TLE3: variants seen among roughly 807,000 people sequenced by gnomAD.
The protein encoded by TLE3 is TLE family member 3, transcriptional corepressor, also known as transducin-like enhancer protein 3.
In TLE3, 14 loss-of-function variants were observed where a neutral mutation model predicts 93.0. The ratio of observed to expected loss-of-function variants is 0.15; its 90% CI spans 0.10 to 0.24. The LOEUF (loss-of-function observed/expected upper bound fraction) is 0.24, where lower values mean the gene tolerates loss of function less well. Among genes scored for constraint, TLE3 ranks in the 10% least tolerant of loss-of-function variants. The pLI is 1.00. For missense variants in TLE3, 693 were observed against 1,046.6 expected (o/e 0.66, Z 4.66); for synonymous variants, 451 against 425.0 (o/e 1.06, Z -0.75).
Position 70,059,449 on chromosome 15 carries a change from T to C in TLE3, c.726A>G (p.Gly242=), listed in dbSNP as rs2133977. ...CCACCACCAGATCATCACTCTTGTC[T>C]CCATCACTGTCCTGCAACCAAGAGA... ...KDSLSRYDSD[G]DKSDDLVVDV... The change falls in exon 10 of 20, where the codon GGA becomes GGG. Residue 242 remains glycine, a synonymous_variant. Coordinates refer to ENST00000451782, the MANE Select transcript of TLE3 (RefSeq NM_001105192.3). 0.74 allele frequency: 1,195,777 copies of C among 1,608,796 alleles called. 447,435 individuals are homozygous for C. The highest frequency in any genetic ancestry group is 0.85 in the Admixed American group (50,534 of 59,412).
chr15:70,054,776 A>C (rs1321775518), intron 15 of TLE3, 91 bp from the exon 16 acceptor site: 2 of 1,442,810 alleles, frequency 1.4e-6, no homozygotes, highest in African/African-American at 2.9e-5. Flanking sequence ...CACCCTCACC[A>C]GTCCTGCTTA....
At chr15:70,096,036 G>T (rs75932149) in intron 2 of TLE3, 125 bp downstream of exon 2, 6 of 1,112,956 alleles carry the variant, frequency 5.4e-6, no homozygotes, top group Non-Finnish European at 7.5e-6. Context: ...AACAAAAGGC[G>T]GAGGCCCGGG....
At position 70,096,273 on chromosome 15, in the gene TLE3, G is replaced by A. The variant is rs780447932; in HGVS notation, c.25-12C>T. ...GGTTGATGGGGAGCCTGGAGCCCGC[G>A]AAGACAAGACAGGGGAGGGGGCGGG... On this transcript the variant is annotated splice_polypyrimidine_tract_variant and intron_variant, in intron 1 of 19. Coordinates refer to ENST00000451782, the MANE Select transcript of TLE3 (RefSeq NM_001105192.3). The A allele has an allele frequency of 1.2e-5, 19 of 1,550,916 alleles. No homozygotes were observed. Among genetic ancestry groups the A allele is most frequent in the African/African-American group, 1.4e-5 (1 of 73,072 alleles).
chr15:70,050,453 C>G (rs2141356307), intron 19 of TLE3: 1 of 419,458 alleles, frequency 2.4e-6, no homozygotes, highest in Admixed American at 3.5e-5. Context: ...AGGAAAAGCT[C>G]AGTAACAGTC....
chr15:70,054,952 C>G (rs577482542), intron 15 of TLE3, 97 bp downstream of exon 15: 2 of 1,462,560 alleles, frequency 1.4e-6, no homozygotes, highest in African/African-American at 1.4e-5. Flanking sequence ...TCAGCCAATA[C>G]GATGCTGAGC....
At chr15:70,078,791 C>T (rs938957390) in intron 4 of TLE3, among the ~76,000 whole-genome samples, 11 of 152,236 alleles carry the variant, frequency 7.2e-5, no homozygotes, top group Admixed American at 5.9e-4. Context: ...AAGGTCAGAA[C>T]ATCCCCAGTC....
rs1267072046 is a variant in TLE3 at position 70,096,254 on chromosome 15, T to C, written c.32A>G (p.His11Arg). The C allele has an allele frequency of 6.4e-7, 1 of 1,550,522 alleles. No individual in the cohort carries two copies. The highest frequency in any genetic ancestry group is 8.7e-7 in the Non-Finnish European group (1 of 1,146,924). The change falls in exon 2 of 20, where the codon CAT (histidine) becomes CGT (arginine). Residue 11 changes from histidine (H) to arginine (R), a missense_variant. Around this residue, in one of 4 missense-constraint regions of TLE3, gnomAD observed 31 missense variants for 24.0 expected, o/e 1.29. Coordinates refer to ENST00000451782, the MANE Select transcript of TLE3 (RefSeq NM_001105192.3). MYPQGRHPAP[H>R]QPGQPGFKFT... The stretch of plus-strand genomic sequence containing the variant: ...TTTAAATCCCGGCTGCCCGGGTTGA[T>C]GGGGAGCCTGGAGCCCGCGAAGACA...
chr15:70,067,604 C>G (rs149699244), intron 6 of TLE3, among the ~76,000 whole-genome samples: 1 of 152,118 alleles, frequency 6.6e-6, no homozygotes, highest in East Asian at 1.9e-4. Flanking sequence ...TAAGGGAGCT[C>G]GCCTGTCAAT....
chr15:70,090,967 A>G (rs983686148), intron 4 of TLE3, among the ~76,000 whole-genome samples: 1 of 152,172 alleles, frequency 6.6e-6, no homozygotes, highest in Non-Finnish European at 1.5e-5. Flanking sequence ...CACAGAATAC[A>G]CTAGAAAAGG....
Position 70,055,244 on chromosome 15 carries a change from G to C in TLE3, c.1383C>G (p.Pro461=), listed in dbSNP as rs554160023. ...ADGQMQPVPF[P]HDALAGPGIP... is the part of the protein sequence containing the mutation. ...TGCCGGGGCCTGCCAGGGCGTCGTG[G>C]GGGAAGGGCACGGGCTGCATCTGCC... is the stretch of plus-strand genomic sequence containing the variant. Residue 461 remains proline (P), a synonymous_variant, in exon 15 of 20, where the codon CCC becomes CCG. Coordinates refer to ENST00000451782, the MANE Select transcript of TLE3 (RefSeq NM_001105192.3). The C allele has an allele frequency of 5.2e-5, 83 of 1,611,466 alleles. 1 individual carries two copies. The East Asian group carries it at 6.7e-4, about 13-fold the overall frequency.
intron 1 of TLE3, 171 bp from the exon 2 acceptor site, chr15:70,096,432 C>CACGAA: frequency 7.8e-7 from 1 of 1,274,454 alleles, no homozygotes; most frequent in Non-Finnish European, 1.1e-6. Context: ...CGCCCCATCT[C>CACGAA]TCCCCGTCGG....
chr15:70,080,201 C>G (rs2057698552), intron 4 of TLE3, among the ~76,000 whole-genome samples: 1 of 152,182 alleles, frequency 6.6e-6, no homozygotes. Flanking sequence ...GCTGTAGTTT[C>G]CAGAGGCCGA....
intron 4 of TLE3, among the ~76,000 whole-genome samples, chr15:70,087,453 TTATAATC>T (rs934132565): frequency 2.4e-4 from 37 of 152,268 alleles, no homozygotes; most frequent in Admixed American, 1.6e-3. Context: ...GGCCGTAGCA[TTATAATC>T]TATAATATCT....
intron 6 of TLE3, among the ~76,000 whole-genome samples, chr15:70,068,385 G>A (rs558297542): frequency 1.3e-5 from 2 of 152,226 alleles, no homozygotes; most frequent in South Asian, 4.1e-4. Context: ...AGTATTCCCT[G>A]GTGTGGTCGG....
At chr15:70,060,228 C>T (rs535654899) in intron 9 of TLE3, among the ~76,000 whole-genome samples, 6 of 152,282 alleles carry the variant, frequency 3.9e-5, no homozygotes, top group Admixed American at 6.5e-5. Flanking sequence ...AGTGGGATTC[C>T]GGCAGCACCA....
chr15:70,074,440 C>T, intron 6 of TLE3, 93 bp downstream of exon 6: 2 of 1,468,994 alleles, frequency 1.4e-6, no homozygotes, highest in Admixed American at 4.0e-5. Context: ...TCTTTGAGGC[C>T]AGCTAAGGTC....
At chr15:70,068,721 T>TG (rs2056967197) in intron 6 of TLE3, among the ~76,000 whole-genome samples, 1 of 152,176 alleles carries the variant, frequency 6.6e-6, no homozygotes, top group Admixed American at 6.5e-5. Flanking sequence ...CAAGGCAAGA[T>TG]GGAGTTGAAT....
chr15:70,091,976 C>A (rs1390470418), intron 4 of TLE3, among the ~76,000 whole-genome samples: 1 of 151,066 alleles, frequency 6.6e-6, no homozygotes, highest in East Asian at 1.9e-4. Flanking sequence ...TCCCCACCCC[C>A]ACCCCAGCTT....
chr15:70,062,664 C>T (rs1467970305), intron 8 of TLE3, among the ~76,000 whole-genome samples: 1 of 152,184 alleles, frequency 6.6e-6, no homozygotes, highest in Non-Finnish European at 1.5e-5. Context: ...CAGCCCGTCC[C>T]CCCATCCCCC....
Sources: allele counts gnomAD v4.1 joint callset (sites outside exome capture counted in the v4.1 genomes callset), GRCh38; gene constraint gnomAD v4.1.1; regional missense constraint gnomAD v4.1.1; transcripts MANE v1.5; gene names NCBI Gene and HGNC (gene_info 2026-07-23, HGNC 2026-07-21).